PCMT1: variants seen among roughly 807,000 people sequenced by gnomAD.
The protein encoded by PCMT1 is protein-L-isoaspartate (D-aspartate) O-methyltransferase.
In PCMT1, 9 loss-of-function variants were observed where a neutral mutation model predicts 29.2. The observed-to-expected ratio is 0.31, with a 90% confidence interval of 0.19 to 0.54. The LOEUF (loss-of-function observed/expected upper bound fraction) is 0.54. PCMT1 is among the 20% of genes least tolerant of loss of function. The probability of loss-of-function intolerance (pLI) is 0.95; values close to 1 mark genes in which losing one functional copy is unlikely to be tolerated. For synonymous variants in PCMT1, 98 were observed against 97.5 expected (o/e 1.00, Z -0.03); for missense variants, 184 against 282.2 (o/e 0.65, Z 2.49).
chr6:149,793,752 G>A (rs1788482777), intron 5 of PCMT1, 83 bp downstream of exon 5: 3 of 1,159,486 alleles, frequency 2.6e-6, no homozygotes, highest in Admixed American at 3.4e-5. Flanking sequence ...ATACTCAGAG[G>A]TAATTATTGT....
chr6:149,793,117 C>T (rs1034986082), intron 4 of PCMT1, among the ~76,000 whole-genome samples: 1 of 149,938 alleles, frequency 6.7e-6, no homozygotes, highest in Non-Finnish European at 1.5e-5. Flanking sequence ...GAGCTGAGAT[C>T]GTGCCACTGT....
intron 7 of PCMT1, among the ~76,000 whole-genome samples, chr6:149,808,279 C>G (rs1455053758): frequency 6.6e-6 from 1 of 151,922 alleles, no homozygotes; most frequent in Non-Finnish European, 1.5e-5. Context: ...AAGAGCCTTT[C>G]TAAAAATTTA....
intron 7 of PCMT1, among the ~76,000 whole-genome samples, chr6:149,809,007 C>T (rs1303374098): frequency 6.7e-6 from 1 of 150,056 alleles, no homozygotes; most frequent in Non-Finnish European, 1.5e-5. Flanking sequence ...GTAATCCCAG[C>T]ACTTTGGGAG....
intron 3 of PCMT1, among the ~76,000 whole-genome samples, chr6:149,781,892 C>T (rs1787832406): frequency 6.6e-6 from 1 of 152,094 alleles, no homozygotes; most frequent in Non-Finnish European, 1.5e-5. Flanking sequence ...TAACAATTTC[C>T]CACTTTTCTC....
chr6:149,750,107 GCTTGCAGTCGCCTCCCTCGGGA>G, intron 1 of PCMT1, 151 bp downstream of exon 1: 2 of 1,092,560 alleles, frequency 1.8e-6, no homozygotes, highest in Non-Finnish European at 2.5e-6. Flanking sequence ...AACGGCGTGC[GCTTGCAGTCGCCTCCCTCGGGA>G]CCTGTCACTC....
At chr6:149,780,148 G>A (rs1787756027) in intron 3 of PCMT1, among the ~76,000 whole-genome samples, 1 of 152,018 alleles carries the variant, frequency 6.6e-6, no homozygotes, top group Non-Finnish European at 1.5e-5. Flanking sequence ...AGACCAGCCT[G>A]GGCAACATGG....
intron 1 of PCMT1, among the ~76,000 whole-genome samples, chr6:149,758,208 C>CTTTTTTTTTTTTTTTTTTTT (rs756014067): frequency 9.5e-4 from 70 of 73,858 alleles, no homozygotes; most frequent in Non-Finnish European, 1.2e-3. Context: ...TTCTTTCTTT[C>CTTTTTTTTTTTTTTTTTTTT]TTTTTTTTTT....
At chr6:149,781,980 A>G (rs1562411417) in intron 3 of PCMT1, among the ~76,000 whole-genome samples, 1 of 152,150 alleles carries the variant, frequency 6.6e-6, no homozygotes, top group Non-Finnish European at 1.5e-5. Flanking sequence ...TAGGTACATC[A>G]TATAAGTGGA....
chr6:149,785,401 CTTTTT>C (rs1185005124), intron 3 of PCMT1, among the ~76,000 whole-genome samples: 1 of 95,940 alleles, frequency 1.0e-5, no homozygotes, highest in East Asian at 3.1e-4. Context: ...TTATTCAGTT[CTTTTT>C]TTTTATTTTT....
intron 7 of PCMT1, among the ~76,000 whole-genome samples, chr6:149,803,958 G>A (rs954651486): frequency 1.3e-5 from 2 of 151,454 alleles, no homozygotes; most frequent in Non-Finnish European, 2.9e-5. Flanking sequence ...GCTTGCATCT[G>A]TAGTCCCAGG....
At chr6:149,795,581 G>C (rs1788572735) in intron 5 of PCMT1, 1 of 525,370 alleles carries the variant, frequency 1.9e-6, no homozygotes, top group Non-Finnish European at 3.5e-6. Context: ...AACCCAATGA[G>C]AAAGGAGAGT....
intron 1 of PCMT1, among the ~76,000 whole-genome samples, chr6:149,767,620 T>G (rs549512612): frequency 4.6e-5 from 7 of 151,916 alleles, no homozygotes; most frequent in Non-Finnish European, 1.0e-4. Flanking sequence ...GTCCAGCTAA[T>G]TTTTTAAGTT....
chr6:149,796,901 C>G (rs1271674560), intron 6 of PCMT1: 2 of 154,066 alleles, frequency 1.3e-5, no homozygotes, highest in African/African-American at 4.8e-5. Flanking sequence ...GCAACCTCCG[C>G]CTCCCGGGTT....
chr6:149,767,864 G>A (rs1211092096), intron 1 of PCMT1, among the ~76,000 whole-genome samples: 1 of 151,946 alleles, frequency 6.6e-6, no homozygotes, highest in Admixed American at 6.6e-5. Context: ...CGCGATCTTG[G>A]CTCACTGCAG....
chr6:149,789,036 T>A (rs971580529), intron 3 of PCMT1, among the ~76,000 whole-genome samples: 5 of 151,604 alleles, frequency 3.3e-5, no homozygotes, highest in African/African-American at 1.2e-4. Context: ...CAAGATCTGG[T>A]AGTAAATGTG....
At chr6:149,797,021 CCAGG>C (rs1788645254) in intron 6 of PCMT1, 1 of 152,274 alleles carries the variant, frequency 6.6e-6, no homozygotes, top group Admixed American at 6.6e-5. Context: ...ACCATGTTGG[CCAGG>C]CTGGTCTCGA....
chr6:149,774,865 C>A (rs1050028185), intron 3 of PCMT1, among the ~76,000 whole-genome samples: 2 of 151,956 alleles, frequency 1.3e-5, no homozygotes, highest in Non-Finnish European at 2.9e-5. Context: ...CGCCACCATG[C>A]CCTGCTAGTT....
At chr6:149,791,466 G>C (rs1325125148) in intron 4 of PCMT1, among the ~76,000 whole-genome samples, 1 of 152,198 alleles carries the variant, frequency 6.6e-6, no homozygotes, top group Non-Finnish European at 1.5e-5. Flanking sequence ...AGTTTGATTT[G>C]AGAAATATCG....
intron 7 of PCMT1, among the ~76,000 whole-genome samples, chr6:149,809,258 CAA>C (rs1209712068): frequency 7.6e-4 from 36 of 47,086 alleles, no homozygotes; most frequent in East Asian, 7.4e-3. Context: ...GACTCTGTCT[CAA>C]AAAAAAAAAA....
Sources: gnomAD v4.1 joint callset for allele counts (sites outside exome capture counted in the v4.1 genomes callset) on GRCh38, gnomAD v4.1.1 for gene constraint, MANE v1.5 for transcripts, NCBI Gene and HGNC (gene_info 2026-07-23, HGNC 2026-07-21) for gene names.